SLC44A1: variants seen among roughly 807,000 people sequenced by gnomAD.
The protein encoded by SLC44A1 is choline transporter-like protein 1.
In SLC44A1, 26 loss-of-function variants were observed where a neutral mutation model predicts 79.3. That is an observed-to-expected ratio of 0.33 (90% CI 0.24 to 0.46). The LOEUF is 0.46. Ranked by LOEUF, SLC44A1 falls within the 20% of genes least tolerant of loss-of-function variation. The probability of loss-of-function intolerance (pLI) is 1.00; values close to 1 mark genes in which losing one functional copy is unlikely to be tolerated. For synonymous variants in SLC44A1, 263 were observed against 286.2 expected (o/e 0.92, Z 0.82); for missense variants, 688 against 798.1 (o/e 0.86, Z 1.66).
At chr9:105,383,662 G>A (rs894448575) in intron 14 of SLC44A1, among the ~76,000 whole-genome samples, 2 of 152,168 alleles carry the variant, frequency 1.3e-5, no homozygotes, top group African/African-American at 4.8e-5. Context: ...TTTTAAACTA[G>A]CTTCTAGCCT....
intron 3 of SLC44A1, among the ~76,000 whole-genome samples, chr9:105,317,448 G>A (rs1460659539): frequency 6.6e-6 from 1 of 152,072 alleles, no homozygotes; most frequent in Non-Finnish European, 1.5e-5. Flanking sequence ...TCAAGGCAGG[G>A]CTTGCATTTT....
At chr9:105,310,984 C>T (rs1405953891) in intron 3 of SLC44A1, among the ~76,000 whole-genome samples, 1 of 152,118 alleles carries the variant, frequency 6.6e-6, no homozygotes, top group Non-Finnish European at 1.5e-5. Flanking sequence ...GTAATTTTCC[C>T]AAAGTCACAT....
downstream of SLC44A1, among the ~76,000 whole-genome samples, chr9:105,400,487 C>CAAAA (rs67752609): frequency 1.2e-3 from 184 of 148,712 alleles, 4 homozygotes; most frequent in East Asian, 1.6e-3. Context: ...GACGCCATCT[C>CAAAA]AAAAAAAGAA....
At chr9:105,325,178 G>T (rs1248344197) in intron 3 of SLC44A1, among the ~76,000 whole-genome samples, 1 of 152,214 alleles carries the variant, frequency 6.6e-6, no homozygotes, top group Non-Finnish European at 1.5e-5. Flanking sequence ...GCCATTAAAA[G>T]GAATGAAGTG....
Position 105,365,522 on chromosome 9 carries a change from A to C in SLC44A1, c.1293A>C (p.Ser431=). The change falls in exon 11 of 16, where the codon TCA becomes TCC. Residue 431 remains serine (S), a synonymous_variant. Coordinates refer to ENST00000374720, the MANE Select transcript of SLC44A1 (RefSeq NM_080546.5). ...TGCCATTTACACCTATTTTGGCATC[A>C]GTAAATCGCCTTATTCGTTACCACC... The part of the protein sequence containing the change: ...RNLPFTPILA[S]VNRLIRYHLG... The C allele has an allele frequency of 6.2e-7, 1 of 1,613,478 alleles. No homozygotes were observed. The highest frequency in any genetic ancestry group is 8.5e-7 in the Non-Finnish European group (1 of 1,179,592).
intron 15 of SLC44A1, among the ~76,000 whole-genome samples, chr9:105,432,964 A>G (rs568000871): frequency 2.6e-5 from 4 of 152,200 alleles, no homozygotes; most frequent in Non-Finnish European, 5.9e-5. Flanking sequence ...TGCAAAGTAC[A>G]TATTTGGTAA....
intron 15 of SLC44A1, among the ~76,000 whole-genome samples, chr9:105,415,303 C>T (rs1829153004): frequency 2.0e-5 from 3 of 152,196 alleles, no homozygotes; most frequent in Admixed American, 2.0e-4. Flanking sequence ...GTAAAAAAGG[C>T]AGCGTTTAAA....
intron 1 of SLC44A1, among the ~76,000 whole-genome samples, chr9:105,298,561 G>C (rs1215753341): frequency 6.6e-6 from 1 of 152,072 alleles, no homozygotes. Flanking sequence ...TGTTGGCCAG[G>C]CTGGTCTCAA....
At chr9:105,297,843 C>T (rs1233595302) in intron 1 of SLC44A1, among the ~76,000 whole-genome samples, 4 of 152,320 alleles carry the variant, frequency 2.6e-5, no homozygotes, top group East Asian at 1.9e-4. Context: ...CCCTCCTGCT[C>T]ATGCCCTTTC....
intron 5 of SLC44A1, among the ~76,000 whole-genome samples, chr9:105,354,812 C>T (rs1285552150): frequency 6.6e-6 from 1 of 152,122 alleles, no homozygotes; most frequent in Non-Finnish European, 1.5e-5. Flanking sequence ...ACATAGTGTG[C>T]TTATATTCTT....
chr9:105,354,039 C>CTTTTTTTTTTTTTTTT (rs556502972), intron 5 of SLC44A1, among the ~76,000 whole-genome samples: 14 of 98,484 alleles, frequency 1.4e-4, no homozygotes, highest in African/African-American at 7.1e-4. Context: ...ACAGTTAATC[C>CTTTTTTTTTTTTTTTT]TTTTTTTTTT....
At chr9:105,313,203 G>A (rs578055135) in intron 3 of SLC44A1, among the ~76,000 whole-genome samples, 69 of 152,290 alleles carry the variant, frequency 4.5e-4, no homozygotes, top group Non-Finnish European at 7.1e-4. Flanking sequence ...TCCATAGTGA[G>A]CTTTCCTTTA....
At chr9:105,260,367 A>T (rs771679992) in intron 1 of SLC44A1, among the ~76,000 whole-genome samples, 23 of 152,148 alleles carry the variant, frequency 1.5e-4, no homozygotes, top group Non-Finnish European at 2.8e-4. Context: ...GCTCTCCTAC[A>T]CAGCACACTT....
At chr9:105,352,903 T>C (rs1426905461) in intron 5 of SLC44A1, among the ~76,000 whole-genome samples, 1 of 152,160 alleles carries the variant, frequency 6.6e-6, no homozygotes, top group Non-Finnish European at 1.5e-5. Flanking sequence ...GGCAGAGTTG[T>C]TTTTGTTTGG....
At chr9:105,435,619 T>C (rs1331588699) in intron 15 of SLC44A1, among the ~76,000 whole-genome samples, 1 of 151,076 alleles carries the variant, frequency 6.6e-6, no homozygotes. Flanking sequence ...TAGCTGTTTC[T>C]TTTTCTTTAG....
rs796860754 is a variant in SLC44A1 at position 105,304,961 on chromosome 9, T to G, written c.127-4763T>G. On this transcript the variant is annotated intron_variant, in intron 2 of 15. Coordinates refer to ENST00000374720, the MANE Select transcript of SLC44A1 (RefSeq NM_080546.5). ...TTTCTATCGTTTTTTTTTTTTTTTT[T>G]TTTTTTTTTTTTTTTTTTTTTTTTT... 8.0e-3 allele frequency among the ~76,000 whole-genome samples: 811 copies of G among 101,358 alleles called. 5 individuals are homozygous for G. The highest frequency in any genetic ancestry group is 0.034 in the African/African-American group (774 of 22,878). The allele number at this position is 101,358 out of a possible 152,430, so 66.5% of individuals were successfully genotyped here.
chr9:105,417,860 C>T (rs796823727), intron 15 of SLC44A1, among the ~76,000 whole-genome samples: 2 of 109,062 alleles, frequency 1.8e-5, no homozygotes, highest in South Asian at 6.0e-4. Context: ...AAAAAAAAAA[C>T]AATTTAATTA....
intron 3 of SLC44A1, among the ~76,000 whole-genome samples, chr9:105,327,939 A>G (rs530250844): frequency 1.6e-4 from 25 of 152,180 alleles, no homozygotes; most frequent in African/African-American, 5.8e-4. Flanking sequence ...GGTCTTATTT[A>G]TCATCGTATC....
At chr9:105,270,851 G>A (rs1830059799) in intron 1 of SLC44A1, among the ~76,000 whole-genome samples, 1 of 152,200 alleles carries the variant, frequency 6.6e-6, no homozygotes. Flanking sequence ...GAATGATGCA[G>A]TAATTGTATC....
Sources: gnomAD v4.1 joint callset for allele counts (sites outside exome capture counted in the v4.1 genomes callset) on GRCh38, gnomAD v4.1.1 for gene constraint, MANE v1.5 for transcripts, NCBI Gene and HGNC (gene_info 2026-07-23, HGNC 2026-07-21) for gene names.